Variants in PDE4DIP observed in about 807,000 individuals in gnomAD.
PDE4DIP encodes the protein myomegalin.
Under a neutral mutation model 221.4 loss-of-function variants are expected in PDE4DIP, and 59 were observed. The observed-to-expected ratio is 0.27, with a 90% CI of 0.22 to 0.33. The LOEUF (loss-of-function observed/expected upper bound fraction) is 0.33. Among genes scored for constraint, PDE4DIP ranks in the 10% least tolerant of loss-of-function variants. The pLI is 1.00. For missense variants in PDE4DIP, 1,036 were observed against 2,154.2 expected, an observed-to-expected ratio of 0.48 and a Z score of 10.28; for synonymous variants, 404 against 815.9, an observed-to-expected ratio of 0.50 and a Z score of 8.60.
chr1:148,978,559 C>T, intron 19 of PDE4DIP, 144 bp downstream of exon 22: 1 of 559,180 alleles, frequency 1.8e-6, no homozygotes, highest in East Asian at 3.0e-5. Context: ...TCCTCGGCCC[C>T]TCAAAGTGCT....
chr1:148,985,677 T>C (rs1326857305), intron 21 of PDE4DIP: 4 of 152,216 alleles, frequency 2.6e-5, no homozygotes, highest in African/African-American at 9.6e-5. Context: ...ATTAAACTTA[T>C]AAAGTGATAT....
chr1:149,030,753 C>A (rs1553636343), intron 43 of PDE4DIP: 2 of 985,178 alleles, frequency 2.0e-6, no homozygotes, highest in Non-Finnish European at 2.4e-6. Context: ...TTTGATTTTG[C>A]TATATCTTTA....
chr1:149,013,318 C>T (rs797043443), intron 32 of PDE4DIP, among the ~76,000 whole-genome samples: 9 of 126,800 alleles, frequency 7.1e-5, no homozygotes, highest in African/African-American at 2.8e-4. Context: ...TTGGTCCCTG[C>T]CCTGGGACAG....
At chr1:148,979,077 CA>C (rs1553540131) in intron 19 of PDE4DIP, among the ~76,000 whole-genome samples, 1 of 151,860 alleles carries the variant, frequency 6.6e-6, no homozygotes, top group Non-Finnish European at 1.5e-5. Context: ...ACATTTGCCC[CA>C]AATTTCTCTG....
In PDE4DIP at chr1:148,953,443, A is replaced by T. The variant is rs782511066; in HGVS notation, c.637-7211A>T. ...TGTCTGAGGTTGGGCCACCCGACTT[A>T]GCAAGCACAAAGGTACCCCCAGATG... On this transcript the variant is annotated intron_variant, in intron 5 of 43. Transcript: ENST00000369354. 1.9e-6 allele frequency: 3 copies of T among 1,614,184 alleles called. No homozygotes were observed. In the Admixed American group the frequency reaches 5.0e-5, roughly 27 times the overall value.
intron 21 of PDE4DIP, chr1:148,984,331 A>G (rs1189399981): frequency 6.6e-6 from 1 of 152,068 alleles, no homozygotes. Context: ...TAGAGGAAAT[A>G]CATTTTTCCT....
At chr1:148,937,385 A>G (rs1246745310) in intron 4 of PDE4DIP, among the ~76,000 whole-genome samples, 9 of 152,276 alleles carry the variant, frequency 5.9e-5, no homozygotes, top group South Asian at 2.1e-4. Context: ...GGTAGAGTGC[A>G]TTGAGTACAC....
At chr1:148,989,486 G>C (rs1410055507) in intron 21 of PDE4DIP, 7 of 307,688 alleles carry the variant, frequency 2.3e-5, no homozygotes, top group Non-Finnish European at 3.0e-5. Context: ...GATAAGTGGA[G>C]GGCAGAAAGT....
chr1:148,981,878 T>A (rs1474477841), intron 21 of PDE4DIP: 1 of 163,768 alleles, frequency 6.1e-6, no homozygotes, highest in Non-Finnish European at 1.4e-5. Context: ...GAGCATTTTT[T>A]AAATCAAAAG....
At chr1:148,843,576 C>G (rs1333203211) in intron 1 of PDE4DIP, among the ~76,000 whole-genome samples, 1 of 88,488 alleles carries the variant, frequency 1.1e-5, no homozygotes, top group African/African-American at 5.0e-5. Flanking sequence ...CTAATAATAA[C>G]AGTGATTATG....
chr1:148,963,725 C>T (rs2057491570), intron 9 of PDE4DIP, among the ~76,000 whole-genome samples: 3 of 138,062 alleles, frequency 2.2e-5, no homozygotes, highest in South Asian at 2.5e-4. Flanking sequence ...TCTTTTCTTT[C>T]TTTCCTCTCT....
At chr1:148,969,609 A>AG (rs1337078091) in intron 14 of PDE4DIP, among the ~76,000 whole-genome samples, 2 of 151,104 alleles carry the variant, frequency 1.3e-5, no homozygotes, top group Non-Finnish European at 3.0e-5. Flanking sequence ...CTGAGTTAAG[A>AG]GGGAAAAAAG....
chr1:149,028,276 C>T (rs587620625), intron 40 of PDE4DIP, among the ~76,000 whole-genome samples: 13 of 147,322 alleles, frequency 8.8e-5, no homozygotes, highest in African/African-American at 5.2e-5. Flanking sequence ...GCTGTGAGAG[C>T]TCCAATACAA....
At chr1:149,001,968 C>G (rs782328422) in exon 24 of PDE4DIP, 2 of 1,122,402 alleles carry the variant, frequency 1.8e-6, no homozygotes, top group Non-Finnish European at 2.7e-6. Flanking sequence ...ACTGTGAGGC[C>G]TTTCCCCAGA....
chr1:148,981,533 G>A (rs193111689), intron 21 of PDE4DIP, 136 bp downstream of exon 24: 14 of 1,027,826 alleles, frequency 1.4e-5, no homozygotes, highest in Admixed American at 1.8e-5. Flanking sequence ...AGAATTAAAC[G>A]GTGACTTACT....
At position 149,031,930 on chromosome 1, in the gene PDE4DIP, A is replaced by G. The variant is rs782530226; in HGVS notation, c.7000-14A>G. 1.2e-6 allele frequency: 2 copies of G among 1,601,030 alleles called. No homozygotes were observed. Among genetic ancestry groups the G allele is most frequent in the African/African-American group, 1.3e-5 (1 of 74,754 alleles). Reference sequence around the variant, plus strand: ...AATATACACTGATTTGGTTTGTTTTATGTTTGTCTGCAGGTGAAATCCCTA... The same window carrying G: ...AATATACACTGATTTGGTTTGTTTTGTGTTTGTCTGCAGGTGAAATCCCTA... On this transcript the variant is annotated splice_polypyrimidine_tract_variant and intron_variant, in intron 43 of 43. Transcript: ENST00000369354.
chr1:148,929,415 A>C (rs1553467999), intron 2 of PDE4DIP, 142 bp downstream of exon 5: 1 of 1,237,588 alleles, frequency 8.1e-7, no homozygotes, highest in Non-Finnish European at 1.1e-6. Context: ...ATAGATTTTC[A>C]TATGCTGTGT....
intron 1 of PDE4DIP, among the ~76,000 whole-genome samples, chr1:148,919,332 G>T (rs2044884807): frequency 6.6e-6 from 1 of 151,604 alleles, no homozygotes; most frequent in African/African-American, 2.4e-5. Context: ...TAAAGCTTTG[G>T]GGACGACCAG....
At chr1:148,953,018 C>T (rs371537250) in intron 5 of PDE4DIP, 1 of 1,613,996 alleles carries the variant, frequency 6.2e-7, no homozygotes, top group Non-Finnish European at 8.5e-7. Flanking sequence ...TGAGCGCTTG[C>T]AAAAGCTGCT....
Sources: gnomAD v4.1 joint callset for allele counts (sites outside exome capture counted in the v4.1 genomes callset) on GRCh38, gnomAD v4.1.1 for gene constraint, MANE v1.5 for transcripts, NCBI Gene and HGNC (gene_info 2026-07-23, HGNC 2026-07-21) for gene names.